The following FARS2 variants were observed in gnomAD, a reference collection of about 807,000 sequenced individuals.
FARS2 encodes the protein phenylalanyl-tRNA synthetase 2, mitochondrial.
In FARS2, 40 loss-of-function variants were observed where a neutral mutation model predicts 46.4. The observed-to-expected ratio is 0.86, with a 90% CI of 0.67 to 1.12. FARS2 has a LOEUF of 1.12. Among genes scored for constraint, FARS2 ranks in the 50% most tolerant of loss-of-function variants. The probability of loss-of-function intolerance (pLI) is 0.00; values close to 1 mark genes in which losing one functional copy is unlikely to be tolerated. For synonymous variants in FARS2, 234 were observed against 214.9 expected, an observed-to-expected ratio of 1.09 and a Z score of -0.78; for missense variants, 513 against 567.9, an observed-to-expected ratio of 0.90 and a Z score of 0.98.
chr6:5,621,131 G>A (rs1351176556), intron 6 of FARS2, among the ~76,000 whole-genome samples: 2 of 152,090 alleles, frequency 1.3e-5, no homozygotes, highest in African/African-American at 2.4e-5. Context: ...TTGTTTTTGT[G>A]TTTTGAGACA....
intron 1 of FARS2, among the ~76,000 whole-genome samples, chr6:5,305,642 C>G (rs1768646295): frequency 6.6e-6 from 1 of 152,230 alleles, no homozygotes; most frequent in Non-Finnish European, 1.5e-5. Flanking sequence ...CACGATCACA[C>G]AGATGGTGGG....
intron 4 of FARS2, among the ~76,000 whole-genome samples, chr6:5,524,645 T>G (rs575641667): frequency 5.9e-5 from 9 of 152,334 alleles, no homozygotes; most frequent in Admixed American, 5.2e-4. Flanking sequence ...TAATAACTGA[T>G]TTAGGCCTTA....
intron 5 of FARS2, among the ~76,000 whole-genome samples, chr6:5,607,001 A>G (rs941427): frequency 0.075 from 11,460 of 152,194 alleles, 643 homozygotes; most frequent in African/African-American, 0.16. Flanking sequence ...TATTTGGTGT[A>G]CAAGCCACCA....
intron 6 of FARS2, among the ~76,000 whole-genome samples, chr6:5,628,211 T>A (rs1475212879): frequency 6.6e-6 from 1 of 152,094 alleles, no homozygotes; most frequent in African/African-American, 2.4e-5. Flanking sequence ...CAAATTGTAA[T>A]GTGTTTGTGT....
At chr6:5,564,255 A>G (rs1029436998) in intron 5 of FARS2, among the ~76,000 whole-genome samples, 2 of 152,210 alleles carry the variant, frequency 1.3e-5, no homozygotes, top group African/African-American at 4.8e-5. Flanking sequence ...TTGCTAAGAT[A>G]TAGAATTCTC....
In FARS2 at chr6:5,373,765, C is replaced by T. The variant is rs552133361; in HGVS notation, c.612+4583C>T. ...GATCCTTGGGAAATCTAAAACTATT[C>T]CTTTGCTATGGCTTGAGAAGCGCTG... On this transcript the variant is annotated intron_variant, in intron 2 of 6. Coordinates refer to ENST00000274680, the MANE Select transcript of FARS2 (RefSeq NM_006567.5). 7.9e-5 allele frequency among the ~76,000 whole-genome samples: 12 copies of T among 152,024 alleles called. No individual in the cohort carries two copies. The South Asian group carries it at 8.3e-4, about 11-fold the overall frequency.
chr6:5,447,074 T>C (rs946853369), intron 4 of FARS2, among the ~76,000 whole-genome samples: 3 of 152,148 alleles, frequency 2.0e-5, no homozygotes, highest in African/African-American at 7.2e-5. Flanking sequence ...TAGTGAGGCA[T>C]TGAAATATTT....
Position 5,545,349 on chromosome 6 carries a change from A to G in FARS2, c.1065+9A>G. On this transcript the variant is annotated intron_variant, in intron 5 of 6. Coordinates refer to ENST00000274680, the MANE Select transcript of FARS2 (RefSeq NM_006567.5). ...AGAAGGTGAAGTTTCAGGTAAGATG[A>G]CTTGCAAGAACTGAATAGATAATAA... The G allele has an allele frequency of 6.2e-7, 1 of 1,609,898 alleles. No homozygotes were observed. The highest frequency in any genetic ancestry group is 8.5e-7 in the Non-Finnish European group (1 of 1,176,580).
chr6:5,483,326 C>G (rs1196214062), intron 4 of FARS2, among the ~76,000 whole-genome samples: 1 of 152,150 alleles, frequency 6.6e-6, no homozygotes, highest in African/African-American at 2.4e-5. Context: ...GTCTTTGGCT[C>G]TGCTTTTGGA....
At chr6:5,750,621 C>T (rs1415581247) in intron 6 of FARS2, among the ~76,000 whole-genome samples, 1 of 152,014 alleles carries the variant, frequency 6.6e-6, no homozygotes, top group Non-Finnish European at 1.5e-5. Context: ...AGACAAGGCC[C>T]CTGAAAAGTC....
chr6:5,456,085 G>A (rs186259898), intron 4 of FARS2, among the ~76,000 whole-genome samples: 56 of 152,178 alleles, frequency 3.7e-4, no homozygotes, highest in Admixed American at 6.5e-4. Context: ...GCACATTAGC[G>A]TGCATCTGTA....
intron 5 of FARS2, among the ~76,000 whole-genome samples, chr6:5,596,501 T>A (rs989937345): frequency 6.6e-6 from 1 of 152,232 alleles, no homozygotes; most frequent in African/African-American, 2.4e-5. Flanking sequence ...GTGCTGTGTA[T>A]GGAACCATTA....
chr6:5,548,260 A>G (rs780159303), intron 5 of FARS2, among the ~76,000 whole-genome samples: 3 of 152,210 alleles, frequency 2.0e-5, no homozygotes, highest in Non-Finnish European at 4.4e-5. Flanking sequence ...GCGGGGACAC[A>G]GCCAAACCAT....
At chr6:5,297,690 G>GCAA (rs1329729839) in intron 1 of FARS2, among the ~76,000 whole-genome samples, 3 of 151,852 alleles carry the variant, frequency 2.0e-5, no homozygotes, top group Admixed American at 6.5e-5. Flanking sequence ...AACAGCAACA[G>GCAA]CAACAACAAC....
At chr6:5,258,494 T>C (rs1416621265), upstream of FARS2, among the ~76,000 whole-genome samples, 4 of 152,182 alleles carry the variant, frequency 2.6e-5, no homozygotes, top group Admixed American at 2.0e-4. Context: ...ACAGAATTGA[T>C]AGTGGATGTT....
intron 3 of FARS2, among the ~76,000 whole-genome samples, chr6:5,411,433 C>T (rs1336005479): frequency 6.6e-6 from 1 of 152,208 alleles, no homozygotes; most frequent in African/African-American, 2.4e-5. Flanking sequence ...TACATCATAT[C>T]CAATTACATT....
intron 1 of FARS2, among the ~76,000 whole-genome samples, chr6:5,287,652 C>T (rs1170353136): frequency 6.6e-6 from 1 of 152,178 alleles, no homozygotes; most frequent in Non-Finnish European, 1.5e-5. Flanking sequence ...TACTTTCTGT[C>T]GATGCTGCTC....
chr6:5,761,808 T>TA (rs79057006), intron 6 of FARS2, among the ~76,000 whole-genome samples: 7,847 of 105,828 alleles, frequency 0.074, 399 homozygotes, highest in African/African-American at 0.15. Flanking sequence ...GTGGAGGATC[T>TA]AAAAAAAAAA....
intron 6 of FARS2, among the ~76,000 whole-genome samples, chr6:5,654,810 C>G (rs1777533264): frequency 6.6e-6 from 1 of 152,296 alleles, no homozygotes. Context: ...CCTCTGCCAC[C>G]CCTAAGACAG....
Sources: gnomAD v4.1 joint callset for allele counts (sites outside exome capture counted in the v4.1 genomes callset) on GRCh38, gnomAD v4.1.1 for gene constraint, MANE v1.5 for transcripts, NCBI Gene and HGNC (gene_info 2026-07-23, HGNC 2026-07-21) for gene names.